PCDH9: variants seen among roughly 807,000 people sequenced by gnomAD.
PCDH9 encodes the protein protocadherin 9, also known as protocadherin-9.
PCDH9 carries 24 observed loss-of-function variants against 70.6 expected under a neutral mutation model. That is an observed-to-expected ratio of 0.34 (90% CI 0.25 to 0.48). PCDH9 has a LOEUF of 0.48. Among genes scored for constraint, PCDH9 ranks in the 20% least tolerant of loss-of-function variants. PCDH9 has a pLI of 0.99. For synonymous variants in PCDH9, 562 were observed against 558.5 expected, an observed-to-expected ratio of 1.01 and a Z score of -0.09; for missense variants, 1,281 against 1,503.6, an observed-to-expected ratio of 0.85 and a Z score of 2.45.
chr13:66,667,799 A>T (rs1218296406), intron 3 of PCDH9, among the ~76,000 whole-genome samples: 2 of 152,154 alleles, frequency 1.3e-5, no homozygotes, highest in Non-Finnish European at 2.9e-5. Context: ...TTGCCAATAT[A>T]ATTTGAAGGG....
In PCDH9 at chr13:67,201,511, G is replaced by A. The variant is rs895321807; in HGVS notation, c.3036+23894C>T. On this transcript the variant is annotated intron_variant, in intron 2 of 4. Transcript: ENST00000377865. ...AACTTAAATCATTTATCACAGGGAGGAAAGAATTCTACCAATTTTTAACAG... is the reference window on the plus strand; with the variant it reads ...AACTTAAATCATTTATCACAGGGAGAAAAGAATTCTACCAATTTTTAACAG... 4 of 151,960 alleles carry A rather than the reference G, an allele frequency of 2.6e-5. 1 individual carries two copies. In the East Asian group the frequency reaches 7.7e-4, roughly 29 times the overall value. 9.4% of individuals were successfully genotyped at this position (151,960 alleles called of 1,614,324 possible). A position where few individuals can be genotyped will look rare whatever the true frequency, so the allele number is the denominator to read the frequency against.
At chr13:67,132,213 C>T (rs2138333293) in intron 2 of PCDH9, among the ~76,000 whole-genome samples, 2 of 152,202 alleles carry the variant, frequency 1.3e-5, no homozygotes, top group South Asian at 4.1e-4. Flanking sequence ...ATGACTATTA[C>T]TTCAGTTTCA....
chr13:66,559,352 A>G (rs7991352), intron 4 of PCDH9, among the ~76,000 whole-genome samples: 126,086 of 152,108 alleles, frequency 0.83, 52,509 homozygotes, highest in East Asian at 1. Context: ...TTGTATTGGA[A>G]GCCACTGTGT....
chr13:66,389,660 T>A (rs779904952), intron 4 of PCDH9, among the ~76,000 whole-genome samples: 1 of 152,202 alleles, frequency 6.6e-6, no homozygotes, highest in Non-Finnish European at 1.5e-5. Flanking sequence ...TGGCTAAAAC[T>A]TAGCTGGTAA....
At chr13:66,587,637 G>A (rs1426710890) in intron 4 of PCDH9, among the ~76,000 whole-genome samples, 1 of 151,974 alleles carries the variant, frequency 6.6e-6, no homozygotes, top group East Asian at 1.9e-4. Flanking sequence ...AGTGCTATGT[G>A]AAAGTAGCTT....
At chr13:66,772,251 A>T (rs2079819848) in intron 3 of PCDH9, among the ~76,000 whole-genome samples, 1 of 152,132 alleles carries the variant, frequency 6.6e-6, no homozygotes, top group Non-Finnish European at 1.5e-5. Context: ...GCCTCAAGAC[A>T]CCTGCAGTAG....
intron 2 of PCDH9, among the ~76,000 whole-genome samples, chr13:66,950,754 G>A (rs781623549): frequency 6.6e-6 from 1 of 152,118 alleles, no homozygotes; most frequent in Non-Finnish European, 1.5e-5. Flanking sequence ...AGGTGATCAT[G>A]TGAACCTCTG....
intron 3 of PCDH9, among the ~76,000 whole-genome samples, chr13:66,848,099 T>C (rs895490761): frequency 6.6e-6 from 1 of 152,192 alleles, no homozygotes; most frequent in Admixed American, 6.5e-5. Context: ...TTTCAGCGTA[T>C]CTCCTATATC....
intron 2 of PCDH9, among the ~76,000 whole-genome samples, chr13:67,130,196 G>C (rs753344792): frequency 6.6e-6 from 1 of 152,120 alleles, no homozygotes; most frequent in Non-Finnish European, 1.5e-5. Flanking sequence ...AAAGAAACAG[G>C]AGATAGATGC....
intron 3 of PCDH9, among the ~76,000 whole-genome samples, chr13:66,849,402 G>C (rs996438699): frequency 8.7e-5 from 13 of 149,792 alleles, no homozygotes; most frequent in Non-Finnish European, 3.0e-5. Context: ...AGACATTCAA[G>C]GATGATACCA....
chr13:66,874,065 C>T (rs1165834376), intron 3 of PCDH9, among the ~76,000 whole-genome samples: 1 of 151,790 alleles, frequency 6.6e-6, no homozygotes, highest in Admixed American at 6.6e-5. Context: ...TTCCACCTCC[C>T]AAGTAGCTGT....
At position 66,700,923 on chromosome 13, in the gene PCDH9, A is replaced by AATATATAT. The variant is rs58852431; in HGVS notation, c.3139-69520_3139-69513dup. 6.0e-3 allele frequency among the ~76,000 whole-genome samples: 350 copies of AATATATAT among 58,352 alleles called. 2 individuals carry two copies. The highest frequency in any genetic ancestry group is 8.5e-3 in the East Asian group (14 of 1,652). 38.3% of individuals were successfully genotyped at this position (58,352 alleles called of 152,430 possible). ...ATGAAAATATATGTGTGTACATATA[A>AATATATAT]ATATATATATATATATATATATATA... On this transcript the variant is annotated intron_variant, in intron 3 of 4. Coordinates refer to ENST00000377865, the MANE Select transcript of PCDH9 (RefSeq NM_203487.3).
At chr13:66,803,979 A>T (rs886234008) in intron 3 of PCDH9, among the ~76,000 whole-genome samples, 2 of 152,180 alleles carry the variant, frequency 1.3e-5, no homozygotes, top group Non-Finnish European at 2.9e-5. Flanking sequence ...AGGGGCTACT[A>T]GAACAACTCA....
chr13:66,355,375 C>A (rs1956365043), intron 4 of PCDH9, among the ~76,000 whole-genome samples: 1 of 152,014 alleles, frequency 6.6e-6, no homozygotes, highest in Non-Finnish European at 1.5e-5. Context: ...ACAAGGCAAC[C>A]TCCTGCCTTT....
intron 3 of PCDH9, among the ~76,000 whole-genome samples, chr13:66,716,815 C>G (rs1260951768): frequency 6.6e-6 from 1 of 152,170 alleles, no homozygotes; most frequent in African/African-American, 2.4e-5. Context: ...GAAGCTTAAG[C>G]TTCTCACTTG....
chr13:66,444,254 C>T (rs918868654), intron 4 of PCDH9, among the ~76,000 whole-genome samples: 5 of 152,096 alleles, frequency 3.3e-5, no homozygotes, highest in South Asian at 2.1e-4. Flanking sequence ...ATAATAATTC[C>T]TTTTGATCAG....
intron 2 of PCDH9, among the ~76,000 whole-genome samples, chr13:67,170,779 G>A (rs1019794715): frequency 6.6e-6 from 1 of 151,994 alleles, no homozygotes; most frequent in Non-Finnish European, 1.5e-5. Flanking sequence ...ACAAAAATTA[G>A]CTGGGCCTGG....
intron 2 of PCDH9, among the ~76,000 whole-genome samples, chr13:67,170,712 G>A (rs2088258184): frequency 6.6e-6 from 1 of 152,110 alleles, no homozygotes; most frequent in African/African-American, 2.4e-5. Context: ...AATGCTTGAA[G>A]CCAAGACTTC....
At position 66,373,166 on chromosome 13, in the gene PCDH9, G is replaced by A. The variant is rs151215484; in HGVS notation, c.3341-68138C>T. 4.1e-3 allele frequency among the ~76,000 whole-genome samples: 630 copies of A among 151,996 alleles called. 3 individuals carry two copies. The highest frequency in any genetic ancestry group is 0.014 in the African/African-American group (598 of 41,498). On this transcript the variant is annotated intron_variant, in intron 4 of 4. Coordinates refer to ENST00000377865, the MANE Select transcript of PCDH9 (RefSeq NM_203487.3). ...AATATTATTTAGCCACAACAGGGAA[G>A]GAAATTCTGACACAAACCAGATGAA...
Sources: gnomAD v4.1 joint callset for allele counts (sites outside exome capture counted in the v4.1 genomes callset) on GRCh38, gnomAD v4.1.1 for gene constraint, MANE v1.5 for transcripts, NCBI Gene and HGNC (gene_info 2026-07-23, HGNC 2026-07-21) for gene names.